Variants in CRACD observed in about 807,000 individuals in gnomAD.
The protein encoded by CRACD is capping protein-inhibiting regulator of actin dynamics.
CRACD carries 56 observed loss-of-function variants against 106.8 expected under a neutral mutation model. That is an observed-to-expected ratio of 0.52 (90% CI 0.42 to 0.66). CRACD has a LOEUF of 0.66. Among genes scored for constraint, CRACD ranks in the 30% least tolerant of loss-of-function variants. The pLI, the probability that CRACD is intolerant of heterozygous loss-of-function variation, is 0.00. For synonymous variants in CRACD, 754 were observed against 670.8 expected, an observed-to-expected ratio of 1.12 and a Z score of -1.92; for missense variants, 1,730 against 1,623.2, an observed-to-expected ratio of 1.07 and a Z score of -1.13.
intron 2 of CRACD, among the ~76,000 whole-genome samples, chr4:56,257,787 A>T (rs932425043): frequency 6.6e-6 from 1 of 151,936 alleles, no homozygotes; most frequent in Non-Finnish European, 1.5e-5. Flanking sequence ...GATAAGAAAC[A>T]TTGGCCGGCC....
chr4:56,122,611 T>A lies in CRACD; in HGVS notation c.-335-56673T>A, dbSNP rs534139799. Reference sequence around the variant, plus strand: ...ATCCTGACTTGTTTCATGGATGCACTTATCTCCTTCTGCCCCCAACATCTA... The same window carrying A: ...ATCCTGACTTGTTTCATGGATGCACATATCTCCTTCTGCCCCCAACATCTA... On this transcript the variant is annotated intron_variant, in intron 1 of 10. Coordinates refer to ENST00000682029, the MANE Select transcript of CRACD (RefSeq NM_001393381.1). Among the ~76,000 whole-genome samples the A allele has an allele frequency of 3.9e-5, 6 of 152,326 alleles. 1 individual carries two copies. In the South Asian group the frequency reaches 1.2e-3, roughly 32 times the overall value.
chr4:56,196,744 T>G (rs1737632303), intron 2 of CRACD, among the ~76,000 whole-genome samples: 1 of 152,156 alleles, frequency 6.6e-6, no homozygotes, highest in Non-Finnish European at 1.5e-5. Flanking sequence ...AGCAATAAAT[T>G]AGAAAGGAGA....
At chr4:56,267,312 C>T (rs572611692) in intron 2 of CRACD, among the ~76,000 whole-genome samples, 142 of 152,026 alleles carry the variant, frequency 9.3e-4, no homozygotes, top group African/African-American at 3.3e-3. Flanking sequence ...TTAGTAGAGA[C>T]GGTGTTTCAC....
At chr4:56,197,201 A>G (rs1021183112) in intron 2 of CRACD, among the ~76,000 whole-genome samples, 4 of 151,956 alleles carry the variant, frequency 2.6e-5, no homozygotes, top group African/African-American at 9.7e-5. Context: ...TTCTTGCAAA[A>G]TTCCTTCCAG....
chr4:56,089,813 A>G (rs571466910), intron 1 of CRACD, among the ~76,000 whole-genome samples: 2 of 151,948 alleles, frequency 1.3e-5, no homozygotes, highest in South Asian at 2.1e-4. Context: ...GTGCCTGGCT[A>G]TAGGATTTTA....
chr4:56,274,052 T>C (rs574739835), intron 3 of CRACD, among the ~76,000 whole-genome samples: 2 of 152,330 alleles, frequency 1.3e-5, no homozygotes, highest in Middle Eastern at 3.4e-3. Flanking sequence ...CTCTTTTCCT[T>C]GACAGCCCTG....
At chr4:56,287,179 T>C (rs2109689459) in intron 3 of CRACD, among the ~76,000 whole-genome samples, 1 of 152,304 alleles carries the variant, frequency 6.6e-6, no homozygotes, top group African/African-American at 2.4e-5. Context: ...GGCTGGAGTA[T>C]GGTGACGTGA....
intron 1 of CRACD, among the ~76,000 whole-genome samples, chr4:56,083,428 T>C (rs555627436): frequency 1.3e-5 from 2 of 152,272 alleles, no homozygotes; most frequent in East Asian, 3.9e-4. Flanking sequence ...TAACCGTCAA[T>C]TAACTGGTTA....
chr4:56,097,903 G>C (rs1340370339), intron 1 of CRACD, among the ~76,000 whole-genome samples: 1 of 151,878 alleles, frequency 6.6e-6, no homozygotes, highest in African/African-American at 2.4e-5. Flanking sequence ...TTATCTCTTT[G>C]GTGTATCCCT....
At chr4:56,303,169 A>G (rs1261618513) in intron 4 of CRACD, among the ~76,000 whole-genome samples, 2 of 152,114 alleles carry the variant, frequency 1.3e-5, no homozygotes, top group Non-Finnish European at 2.9e-5. Context: ...GCATGGTGAA[A>G]CCCCATCTCT....
intron 2 of CRACD, among the ~76,000 whole-genome samples, chr4:56,262,149 A>C (rs1395627314): frequency 2.0e-5 from 3 of 152,122 alleles, no homozygotes; most frequent in Non-Finnish European, 2.9e-5. Context: ...GTCCTGAAAA[A>C]ATTTGCCTGT....
intron 2 of CRACD, among the ~76,000 whole-genome samples, chr4:56,232,874 G>A (rs964723237): frequency 2.0e-5 from 3 of 151,864 alleles, no homozygotes; most frequent in South Asian, 4.2e-4. Context: ...ACAGGTGCCC[G>A]CCACCAGGCC....
chr4:56,257,638 T>C (rs750440989), intron 2 of CRACD, among the ~76,000 whole-genome samples: 5 of 151,948 alleles, frequency 3.3e-5, no homozygotes, highest in Admixed American at 1.3e-4. Flanking sequence ...AAGGTTGCAG[T>C]AAGCTGTGAT....
intron 3 of CRACD, among the ~76,000 whole-genome samples, chr4:56,296,564 G>T (rs568505231): frequency 1.3e-5 from 2 of 152,230 alleles, no homozygotes; most frequent in Admixed American, 6.5e-5. Flanking sequence ...CTTGCCCACT[G>T]CATTCTGTAA....
At chr4:56,222,868 G>T (rs1436374484) in intron 2 of CRACD, among the ~76,000 whole-genome samples, 1 of 152,056 alleles carries the variant, frequency 6.6e-6, no homozygotes, top group Non-Finnish European at 1.5e-5. Context: ...CCGGCTACTT[G>T]GGAGGCTGAG....
At chr4:56,154,731 G>A (rs570874860) in intron 1 of CRACD, among the ~76,000 whole-genome samples, 35 of 152,246 alleles carry the variant, frequency 2.3e-4, no homozygotes, top group African/African-American at 8.4e-4. Flanking sequence ...GGCTCCCAAG[G>A]AGGACAGAAA....
intron 2 of CRACD, among the ~76,000 whole-genome samples, chr4:56,218,980 A>G (rs541178167): frequency 1.7e-3 from 257 of 152,258 alleles, no homozygotes; most frequent in African/African-American, 6.0e-3. Context: ...TTTGACCTTC[A>G]ATGCCCTGAA....
At chr4:56,267,935 A>G (rs529961285) in intron 2 of CRACD, among the ~76,000 whole-genome samples, 85 of 152,344 alleles carry the variant, frequency 5.6e-4, no homozygotes, top group African/African-American at 2.0e-3. Context: ...CCCAGTTCTC[A>G]GAACTAAGGC....
chr4:56,308,924 GCT>G, intron 5 of CRACD: 1 of 1,288,692 alleles, frequency 7.8e-7, no homozygotes, highest in South Asian at 1.2e-5. Context: ...TGTTCAGCAG[GCT>G]CTGTCTCAGA....
Sources: allele counts gnomAD v4.1 joint callset (sites outside exome capture counted in the v4.1 genomes callset), GRCh38; gene constraint gnomAD v4.1.1; transcripts MANE v1.5; gene names NCBI Gene and HGNC (gene_info 2026-07-23, HGNC 2026-07-21).